NBEAL1: variants seen among roughly 807,000 people sequenced by gnomAD.
NBEAL1 encodes neurobeachin like 1.
Under a neutral mutation model 351.3 loss-of-function variants are expected in NBEAL1, and 273 were observed. The ratio of observed to expected loss-of-function variants is 0.78; its 90% CI spans 0.70 to 0.86. The LOEUF (loss-of-function observed/expected upper bound fraction) is 0.86, where lower values mean the gene tolerates loss of function less well. NBEAL1 is among the 40% of genes least tolerant of loss of function. The pLI is 0.00. For synonymous variants in NBEAL1, 1,050 were observed against 1,086.4 expected (o/e 0.97, Z 0.66); for missense variants, 2,961 against 3,201.3 (o/e 0.92, Z 1.81).
At chr2:203,208,503 T>C (rs2065674043) in intron 51 of NBEAL1, 134 bp from the exon 52 acceptor site, 2 of 647,418 alleles carry the variant, frequency 3.1e-6, no homozygotes, top group East Asian at 2.9e-5. Flanking sequence ...ATGAGTACTA[T>C]TATGAATAGA....
At chr2:203,180,602 A>G (rs2064682792) in intron 43 of NBEAL1, 90 bp downstream of exon 43, 1 of 1,111,288 alleles carries the variant, frequency 9.0e-7, no homozygotes, top group Non-Finnish European at 1.2e-6. Context: ...AATATCCTGT[A>G]GATTATTTAA....
At chr2:203,146,579 C>T (rs887986844) in intron 33 of NBEAL1, among the ~76,000 whole-genome samples, 21 of 151,998 alleles carry the variant, frequency 1.4e-4, no homozygotes, top group African/African-American at 4.3e-4. Flanking sequence ...GATCATTTTA[C>T]GTGAGGAGTT....
chr2:203,078,490 ACCACCATGCC>A (rs552617017), intron 8 of NBEAL1, among the ~76,000 whole-genome samples: 4 of 152,174 alleles, frequency 2.6e-5, no homozygotes, highest in African/African-American at 9.6e-5. Context: ...ACAGGCACAC[ACCACCATGCC>A]CAGTTAATTT....
intron 2 of NBEAL1, among the ~76,000 whole-genome samples, chr2:203,020,510 A>C: frequency 6.6e-6 from 1 of 152,058 alleles, no homozygotes; most frequent in Admixed American, 6.6e-5. Flanking sequence ...GTCTCTACTA[A>C]AAATACAAAA....
chr2:203,207,642 C>T (rs1010925896), intron 51 of NBEAL1, among the ~76,000 whole-genome samples: 2 of 152,206 alleles, frequency 1.3e-5, no homozygotes, highest in African/African-American at 4.8e-5. Context: ...GAAACATGCG[C>T]TGTGTCCACT....
At chr2:203,174,870 T>G (rs966491915) in intron 41 of NBEAL1, among the ~76,000 whole-genome samples, 3 of 149,998 alleles carry the variant, frequency 2.0e-5, no homozygotes, top group Non-Finnish European at 4.5e-5. Flanking sequence ...AATAAATAAA[T>G]AAATAAATAA....
intron 35 of NBEAL1, among the ~76,000 whole-genome samples, chr2:203,152,158 A>G (rs2063672489): frequency 6.6e-6 from 1 of 151,540 alleles, no homozygotes; most frequent in Non-Finnish European, 1.5e-5. Context: ...GGGTTTCACC[A>G]TGTTGGCCAG....
At chr2:203,117,557 T>G (rs2062728475) in intron 18 of NBEAL1, among the ~76,000 whole-genome samples, 1 of 152,250 alleles carries the variant, frequency 6.6e-6, no homozygotes, top group Admixed American at 6.5e-5. Flanking sequence ...TTTTGCTACT[T>G]CTTTTCTTCC....
At chr2:203,077,060 A>T (rs115578306) in intron 7 of NBEAL1, among the ~76,000 whole-genome samples, 3,628 of 152,194 alleles carry the variant, frequency 0.024, 151 homozygotes, top group African/African-American at 0.083. Context: ...ATTATAAATT[A>T]TTTTATTTTA....
chr2:203,077,789 T>A lies in NBEAL1; in HGVS notation c.636T>A (p.Leu212=). The change falls in exon 8 of 56, where the codon CTT becomes CTA. Residue 212 remains leucine (L), a synonymous_variant. Transcript: ENST00000683969. ...FQESEHLKES[L]KCCLLHLFGA... is the part of the protein sequence containing the mutation. Reference sequence around the variant, plus strand: ...AAAGTGAACATCTCAAGGAAAGTCTTAAATGTTGCTTATTGCATCTCTTTG... The same window carrying A: ...AAAGTGAACATCTCAAGGAAAGTCTAAAATGTTGCTTATTGCATCTCTTTG... 6.8e-7 allele frequency: 1 copy of A among 1,472,270 alleles called. No individual in the cohort carries two copies. Among genetic ancestry groups the A allele is most frequent in the Non-Finnish European group, 9.0e-7 (1 of 1,106,972 alleles). 91.2% of individuals were successfully genotyped at this position (1,472,270 alleles called of 1,614,324 possible).
intron 3 of NBEAL1, among the ~76,000 whole-genome samples, chr2:203,043,728 CAAAA>C (rs762609803): frequency 4.8e-5 from 3 of 63,030 alleles, no homozygotes; most frequent in Admixed American, 1.7e-4. Flanking sequence ...AACCCTGTCT[CAAAA>C]AAAAAAAAAA....
At position 203,083,265 on chromosome 2, in the gene NBEAL1, T is replaced by G. The variant is rs1202087824; in HGVS notation, c.731T>G (p.Met244Arg). The change falls in exon 9 of 56, where the codon ATG (methionine) becomes AGG (arginine). Residue 244 changes from methionine (M) to arginine (R), a missense_variant. Met to Arg is a moderately conservative substitution (Grantham distance 91). Transcript: ENST00000683969. The stretch of plus-strand genomic sequence containing the variant: ...TCTCCAGCCACTATGGAAGTTCTTA[T>G]GCGAGTATTGGCAGATTGTGATTCC... ...AISPATMEVL[M>R]RVLADCDSWE... 2.6e-6 allele frequency: 4 copies of G among 1,552,068 alleles called. No homozygotes were observed. Among genetic ancestry groups the G allele is most frequent in the Non-Finnish European group, 3.5e-6 (4 of 1,147,110 alleles).
rs2061283579 is a variant in NBEAL1 at position 203,049,251 on chromosome 2, G to C, written c.144-563G>C. The stretch of plus-strand genomic sequence containing the variant: ...TTTTTTGTATTTTTAGTAGAGATGG[G>C]GTTCACCATGTTGACCAGGCTGGTC... On this transcript the variant is annotated intron_variant, in intron 3 of 55. Transcript: ENST00000683969. 3.3e-5 allele frequency among the ~76,000 whole-genome samples: 5 copies of C among 151,174 alleles called. 1 individual carries two copies. In the South Asian group the frequency reaches 1.0e-3, roughly 31 times the overall value.
At chr2:203,206,875 C>T (rs1403254591) in intron 51 of NBEAL1, among the ~76,000 whole-genome samples, 5 of 151,056 alleles carry the variant, frequency 3.3e-5, no homozygotes, top group Non-Finnish European at 7.4e-5. Context: ...TCTGCCTGGC[C>T]GCCCATCATC....
chr2:203,070,752 T>C (rs2061669011), intron 7 of NBEAL1, among the ~76,000 whole-genome samples: 1 of 152,058 alleles, frequency 6.6e-6, no homozygotes, highest in Non-Finnish European at 1.5e-5. Flanking sequence ...AATGACCAGA[T>C]CTCATGAGAA....
chr2:203,083,962 T>G (rs902813466), intron 9 of NBEAL1, among the ~76,000 whole-genome samples: 2 of 148,098 alleles, frequency 1.4e-5, no homozygotes, highest in African/African-American at 5.0e-5. Flanking sequence ...TTTGTTTCTT[T>G]TTTTCCTCAG....
Position 203,201,512 on chromosome 2 carries a change from G to C in NBEAL1, c.7239-31G>C, listed in dbSNP as rs931312062. ...CACATCAGTATACGTGATCTTGTAA[G>C]GAAAAGTCTGATATTTAATTGTGTT... is the stretch of plus-strand genomic sequence containing the variant. On this transcript the variant is annotated intron_variant, in intron 49 of 55. Transcript: ENST00000683969. 3 of 1,474,090 alleles carry C rather than the reference G, an allele frequency of 2.0e-6. No individual in the cohort carries two copies. In the African/African-American group the frequency reaches 4.2e-5, roughly 21 times the overall value. 91.3% of individuals were successfully genotyped at this position (1,474,090 alleles called of 1,614,324 possible).
intron 34 of NBEAL1, among the ~76,000 whole-genome samples, chr2:203,149,644 G>A (rs143127115): frequency 5.9e-5 from 9 of 151,948 alleles, no homozygotes; most frequent in Admixed American, 1.3e-4. Flanking sequence ...TCATAATGTT[G>A]TACAATCATC....
At chr2:203,153,184 T>C (rs953614757) in intron 35 of NBEAL1, among the ~76,000 whole-genome samples, 2 of 152,142 alleles carry the variant, frequency 1.3e-5, no homozygotes, top group African/African-American at 4.8e-5. Flanking sequence ...CCAAGCTAGA[T>C]TGCAGAGGCT....
Sources: gnomAD v4.1 joint callset for allele counts (sites outside exome capture counted in the v4.1 genomes callset) on GRCh38, gnomAD v4.1.1 for gene constraint, MANE v1.5 for transcripts, NCBI Gene and HGNC (gene_info 2026-07-23, HGNC 2026-07-21) for gene names.